CREB5: variants seen among roughly 807,000 people sequenced by gnomAD.
The protein encoded by CREB5 is cyclic AMP-responsive element-binding protein 5.
A neutral mutation model predicts 57.1 loss-of-function variants in CREB5; 19 were observed. The ratio of observed to expected loss-of-function variants is 0.33; its 90% CI spans 0.23 to 0.49. CREB5 has a LOEUF of 0.49. Ranked by LOEUF, CREB5 falls within the 20% of genes least tolerant of loss-of-function variation. The probability of loss-of-function intolerance (pLI) is 0.99; values close to 1 mark genes in which losing one functional copy is unlikely to be tolerated. For synonymous variants in CREB5, 238 were observed against 238.3 expected (o/e 1.00, Z 0.01); for missense variants, 579 against 671.6 (o/e 0.86, Z 1.52).
At chr7:28,808,626 C>G (rs1265533764) in intron 8 of CREB5, among the ~76,000 whole-genome samples, 2 of 151,858 alleles carry the variant, frequency 1.3e-5, no homozygotes, top group South Asian at 2.1e-4. Context: ...GCAACCTCAA[C>G]CTCCTGGGCT....
chr7:28,360,938 T>A (rs1049172420), intron 1 of CREB5, among the ~76,000 whole-genome samples: 4 of 152,080 alleles, frequency 2.6e-5, no homozygotes, highest in African/African-American at 9.7e-5. Context: ...TCTACAGACA[T>A]TTTTAGTTGT....
intron 1 of CREB5, among the ~76,000 whole-genome samples, chr7:28,320,361 G>A (rs768536265): frequency 2.6e-5 from 4 of 152,232 alleles, no homozygotes; most frequent in Non-Finnish European, 4.4e-5. Flanking sequence ...TCTAGGGGCC[G>A]TTCAATGCCA....
intron 5 of CREB5, among the ~76,000 whole-genome samples, chr7:28,652,793 G>C (rs187138156): frequency 6.6e-6 from 1 of 152,292 alleles, no homozygotes; most frequent in East Asian, 1.9e-4. Context: ...GATCACAGTG[G>C]ATTCCTATGA....
intron 5 of CREB5, among the ~76,000 whole-genome samples, chr7:28,718,525 G>A (rs1802833260): frequency 6.6e-6 from 1 of 152,304 alleles, no homozygotes; most frequent in East Asian, 1.9e-4. Context: ...AGATAACAGA[G>A]GTCAGGAAAT....
At chr7:28,622,259 TCACACACACA>T (rs4000593) in intron 5 of CREB5, among the ~76,000 whole-genome samples, 59 of 142,898 alleles carry the variant, frequency 4.1e-4, no homozygotes, top group African/African-American at 1.5e-3. Context: ...TCTCTCTCTC[TCACACACACA>T]CACACACACA....
chr7:28,798,637 A>C (rs1266424181), intron 7 of CREB5, among the ~76,000 whole-genome samples: 1 of 152,234 alleles, frequency 6.6e-6, no homozygotes, highest in Non-Finnish European at 1.5e-5. Context: ...ACAGGAGCTG[A>C]GAAAATACAT....
intron 1 of CREB5, among the ~76,000 whole-genome samples, chr7:28,358,891 G>C (rs112339609): frequency 1.3e-5 from 2 of 152,186 alleles, no homozygotes; most frequent in African/African-American, 4.8e-5. Flanking sequence ...CTTGGTATAC[G>C]TATTGGGGAG....
chr7:28,725,639 T>A (rs1199923262), intron 7 of CREB5, among the ~76,000 whole-genome samples: 2 of 120,194 alleles, frequency 1.7e-5, no homozygotes, highest in Non-Finnish European at 3.3e-5. Flanking sequence ...GCCATATATC[T>A]TTTTTTAAAA....
intron 4 of CREB5, among the ~76,000 whole-genome samples, chr7:28,561,025 CGTGTGT>C (rs79113344): frequency 1.6e-4 from 8 of 49,666 alleles, no homozygotes; most frequent in African/African-American, 5.7e-4. Flanking sequence ...TGCGTGTGTG[CGTGTGT>C]GTGTGTGTGT....
rs1554344458 is a variant in CREB5 at position 28,560,907 on chromosome 7, T to TGC, written c.292-9456_292-9455dup. Among the ~76,000 whole-genome samples the TGC allele has an allele frequency of 2.2e-3, 96 of 42,736 alleles. 6 individuals carry two copies. Among genetic ancestry groups the TGC allele is most frequent in the Middle Eastern group, 0.011 (1 of 94 alleles). 28.0% of individuals were successfully genotyped at this position (42,736 alleles called of 152,430 possible). On this transcript the variant is annotated intron_variant, in intron 4 of 10. Coordinates refer to ENST00000357727, the MANE Select transcript of CREB5 (RefSeq NM_182898.4). ...GCGTGCGTGTGTGTGCGTGCGCGCG[T>TGC]GCGTGTGCGTGTGTGCGCGTGCGTG...
At chr7:28,371,356 G>A (rs1786700967) in intron 1 of CREB5, among the ~76,000 whole-genome samples, 1 of 152,098 alleles carries the variant, frequency 6.6e-6, no homozygotes. Context: ...GGGCATGGTG[G>A]CAGGCACCTG....
rs1270363406 is a variant in CREB5, at chr7:28,718,898, C to T, written c.591+19C>T. ...GATGCCAGTAAGTGTTTCTGTGTGTCTCACAATAGCTTGTCACTTGCACTG... is the reference window on the plus strand; with the variant it reads ...GATGCCAGTAAGTGTTTCTGTGTGTTTCACAATAGCTTGTCACTTGCACTG... On this transcript the variant is annotated intron_variant, in intron 6 of 10. Transcript: ENST00000357727. The T allele has an allele frequency of 6.2e-7, 1 of 1,613,722 alleles. No homozygotes were observed. Among genetic ancestry groups the T allele is most frequent in the Admixed American group, 1.7e-5 (1 of 59,996 alleles).
At chr7:28,462,427 G>GAAAT (rs1296531021) in intron 1 of CREB5, among the ~76,000 whole-genome samples, 2 of 152,036 alleles carry the variant, frequency 1.3e-5, no homozygotes, top group African/African-American at 4.8e-5. Flanking sequence ...CATTTCTTTT[G>GAAAT]GGTATACACC....
chr7:28,350,428 G>A (rs904574605), intron 1 of CREB5, among the ~76,000 whole-genome samples: 1 of 151,980 alleles, frequency 6.6e-6, no homozygotes, highest in African/African-American at 2.4e-5. Context: ...ATCATGTGAT[G>A]TGGGTGGAAT....
chr7:28,556,190 G>A (rs1015887708), intron 4 of CREB5, among the ~76,000 whole-genome samples: 4 of 152,076 alleles, frequency 2.6e-5, no homozygotes, highest in Non-Finnish European at 4.4e-5. Flanking sequence ...AGCTCGGCAC[G>A]GTAATGGCTT....
At chr7:28,544,823 C>T (rs1162394393) in intron 4 of CREB5, among the ~76,000 whole-genome samples, 4 of 152,004 alleles carry the variant, frequency 2.6e-5, no homozygotes, top group Admixed American at 6.6e-5. Context: ...GGTGTCAGGG[C>T]GGGAATGGGA....
At chr7:28,775,839 AC>A (rs1806593225) in intron 7 of CREB5, among the ~76,000 whole-genome samples, 1 of 152,030 alleles carries the variant, frequency 6.6e-6, no homozygotes, top group Admixed American at 6.6e-5. Flanking sequence ...TTGCCTATAT[AC>A]TTTTTACCCT....
chr7:28,673,531 C>T (rs1800151176), intron 5 of CREB5, among the ~76,000 whole-genome samples: 1 of 152,044 alleles, frequency 6.6e-6, no homozygotes, highest in Admixed American at 6.6e-5. Context: ...GCTCTCTAAA[C>T]TTAGAAACTA....
At position 28,390,936 on chromosome 7, in the gene CREB5, G is replaced by GAATAT. The variant is rs10602736; in HGVS notation, c.-25+91517_-25+91521dup. 1.5e-3 allele frequency among the ~76,000 whole-genome samples: 221 copies of GAATAT among 150,752 alleles called. 1 individual carries two copies. Among genetic ancestry groups the GAATAT allele is most frequent in the East Asian group, 5.1e-3 (26 of 5,116 alleles). On this transcript the variant is annotated intron_variant, in intron 1 of 9. Transcript: ENST00000396299. ...CTTTTAACTCTTTGAAAGATGGGTT[G>GAATAT]AATATAATATAATATAATATAATAT...
Sources: gnomAD v4.1 joint callset for allele counts (sites outside exome capture counted in the v4.1 genomes callset) on GRCh38, gnomAD v4.1.1 for gene constraint, MANE v1.5 for transcripts, NCBI Gene and HGNC (gene_info 2026-07-23, HGNC 2026-07-21) for gene names.